GSAP: variants seen among roughly 807,000 people sequenced by gnomAD.
The protein encoded by GSAP is gamma-secretase-activating protein.
A neutral mutation model predicts 131.7 loss-of-function variants in GSAP; 118 were observed. That is an observed-to-expected ratio of 0.90 (90% CI 0.77 to 1.04). GSAP has a LOEUF of 1.04. Ranked by LOEUF, GSAP falls within the 50% of genes least tolerant of loss-of-function variation. GSAP has a pLI of 0.00. For missense variants in GSAP, 1,019 were observed against 1,013.2 expected, an observed-to-expected ratio of 1.01 and a Z score of -0.08; for synonymous variants, 381 against 363.4, an observed-to-expected ratio of 1.05 and a Z score of -0.55.
intron 13 of GSAP, among the ~76,000 whole-genome samples, chr7:77,361,428 T>C (rs1255303750): frequency 1.3e-5 from 2 of 152,186 alleles, no homozygotes; most frequent in African/African-American, 4.8e-5. Context: ...AGATTAACCA[T>C]TAGAAAAATG....
intron 1 of GSAP, among the ~76,000 whole-genome samples, chr7:77,414,107 T>C (rs1803832576): frequency 6.6e-6 from 1 of 152,236 alleles, no homozygotes; most frequent in East Asian, 1.9e-4. Flanking sequence ...GCCAGGAATA[T>C]ATCATACATA....
chr7:77,371,575 C>CAG (rs1796132064), intron 12 of GSAP, among the ~76,000 whole-genome samples: 1 of 152,020 alleles, frequency 6.6e-6, no homozygotes, highest in Non-Finnish European at 1.5e-5. Flanking sequence ...GCTGGGACTA[C>CAG]AGGCACGTGC....
chr7:77,375,631 G>C (rs1796732343), intron 10 of GSAP, among the ~76,000 whole-genome samples: 2 of 152,072 alleles, frequency 1.3e-5, no homozygotes, highest in Admixed American at 1.3e-4. Context: ...GATTGCTTGA[G>C]GCCAGAAGTT....
chr7:77,401,101 C>T (rs1268547510), intron 3 of GSAP, among the ~76,000 whole-genome samples: 2 of 151,446 alleles, frequency 1.3e-5, no homozygotes, highest in East Asian at 3.9e-4. Flanking sequence ...GTGACTGTAA[C>T]AAAAGATCTA....
intron 19 of GSAP, among the ~76,000 whole-genome samples, chr7:77,339,832 C>T (rs1790627254): frequency 6.6e-6 from 1 of 152,154 alleles, no homozygotes; most frequent in Admixed American, 6.5e-5. Context: ...AGGACCTTTC[C>T]ATCACTCTTT....
chr7:77,351,657 C>T (rs901717467), intron 18 of GSAP: 8 of 985,532 alleles, frequency 8.1e-6, no homozygotes, highest in Admixed American at 1.2e-4. Context: ...TCACCCTGTG[C>T]GTGTCCACAA....
intron 20 of GSAP, 37 bp downstream of exon 20, chr7:77,330,202 C>T: frequency 1.9e-6 from 3 of 1,584,362 alleles, no homozygotes; most frequent in Non-Finnish European, 2.6e-6. Context: ...TCCACTATGC[C>T]TCGCTGCTGG....
intron 28 of GSAP, among the ~76,000 whole-genome samples, chr7:77,312,913 A>G (rs1444921039): frequency 6.6e-6 from 1 of 152,220 alleles, no homozygotes; most frequent in Non-Finnish European, 1.5e-5. Flanking sequence ...ATATTTTCAT[A>G]GTATCTCTGA....
intron 19 of GSAP, among the ~76,000 whole-genome samples, chr7:77,347,274 G>A (rs1198593162): frequency 6.6e-6 from 1 of 152,088 alleles, no homozygotes; most frequent in Non-Finnish European, 1.5e-5. Flanking sequence ...GAGGTACCGT[G>A]GGAACCCCAA....
At chr7:77,335,756 C>T (rs911410372) in intron 19 of GSAP, among the ~76,000 whole-genome samples, 3 of 152,192 alleles carry the variant, frequency 2.0e-5, no homozygotes, top group Non-Finnish European at 2.9e-5. Flanking sequence ...TAAGCAGCAT[C>T]TTCTTACAGA....
chr7:77,390,713 C>G (rs1799330350), intron 5 of GSAP, among the ~76,000 whole-genome samples: 1 of 151,724 alleles, frequency 6.6e-6, no homozygotes, highest in Non-Finnish European at 1.5e-5. Flanking sequence ...TGTAACAAAC[C>G]TGCACGTTGT....
intron 22 of GSAP, chr7:77,328,281 CCAA>C (rs758636758): frequency 2.5e-4 from 277 of 1,094,430 alleles, no homozygotes; most frequent in Non-Finnish European, 3.0e-4. Context: ...GCAAGCAGCA[CCAA>C]GCCAAGGGAA....
intron 9 of GSAP, 44 bp downstream of exon 9, chr7:77,377,242 A>AAC (rs1797050038): frequency 2.3e-6 from 3 of 1,319,486 alleles, no homozygotes; most frequent in Admixed American, 2.7e-5. Flanking sequence ...TTTTGTAAAA[A>AAC]AAAAAAAAAA....
chr7:77,400,498 A>G (rs1801135429), intron 3 of GSAP, among the ~76,000 whole-genome samples: 2 of 152,106 alleles, frequency 1.3e-5, no homozygotes, highest in Non-Finnish European at 2.9e-5. Flanking sequence ...ATAACAAGAC[A>G]CTTCTCTCCA....
chr7:77,315,582 A>G (rs1429199893), intron 26 of GSAP: 1 of 152,246 alleles, frequency 6.6e-6, no homozygotes, highest in Non-Finnish European at 1.5e-5. Flanking sequence ...GAGCTAGGCA[A>G]CTTGCCCAGG....
chr7:77,397,949 A>T (rs1301677580), intron 3 of GSAP, among the ~76,000 whole-genome samples: 1 of 152,136 alleles, frequency 6.6e-6, no homozygotes, highest in Non-Finnish European at 1.5e-5. Context: ...TAGGCCTTTC[A>T]TATTTAGAGG....
At chr7:77,406,894 C>T (rs1278452839) in intron 1 of GSAP, among the ~76,000 whole-genome samples, 1 of 152,198 alleles carries the variant, frequency 6.6e-6, no homozygotes, top group Non-Finnish European at 1.5e-5. Context: ...CCCCTCTCCC[C>T]GCTGCTAAGG....
At chr7:77,398,491 A>G (rs1800798429) in intron 3 of GSAP, among the ~76,000 whole-genome samples, 1 of 152,218 alleles carries the variant, frequency 6.6e-6, no homozygotes, top group African/African-American at 2.4e-5. Context: ...TTAGTTTGTT[A>G]TCTTTTAATT....
chr7:77,385,770 G>A (rs1206522116), intron 6 of GSAP, among the ~76,000 whole-genome samples: 2 of 152,200 alleles, frequency 1.3e-5, no homozygotes, highest in South Asian at 2.1e-4. Context: ...CCTGGGAAGA[G>A]AGAGACAACC....
Sources: gnomAD v4.1 joint callset for allele counts (sites outside exome capture counted in the v4.1 genomes callset) on GRCh38, gnomAD v4.1.1 for gene constraint, MANE v1.5 for transcripts, NCBI Gene and HGNC (gene_info 2026-07-23, HGNC 2026-07-21) for gene names.